The following PCED1B variants were observed in gnomAD, a reference collection of about 807,000 sequenced individuals.
PCED1B encodes PC-esterase domain containing 1B.
For synonymous variants in PCED1B, 251 were observed against 246.1 expected (o/e 1.02, Z -0.19); for missense variants, 573 against 573.9 (o/e 1.00, Z 0.02).
At chr12:47,205,055 T>C (rs1320704914) in intron 2 of PCED1B, among the ~76,000 whole-genome samples, 2 of 152,166 alleles carry the variant, frequency 1.3e-5, no homozygotes, top group Non-Finnish European at 2.9e-5. Context: ...AGCCACAGTA[T>C]GGGAGACTGG....
At chr12:47,143,667 A>G (rs1387806449) in intron 2 of PCED1B, among the ~76,000 whole-genome samples, 1 of 152,202 alleles carries the variant, frequency 6.6e-6, no homozygotes, top group Non-Finnish European at 1.5e-5. Flanking sequence ...GAAGCAAGCT[A>G]CAAGCTCAGT....
chr12:47,119,895 G>A (rs7965849), intron 2 of PCED1B, among the ~76,000 whole-genome samples: 57,172 of 151,192 alleles, frequency 0.38, 11,429 homozygotes, highest in African/African-American at 0.5. Context: ...TGAACCCAGG[G>A]GGCGGAGGTT....
chr12:47,179,059 A>G (rs1942016417), intron 2 of PCED1B, among the ~76,000 whole-genome samples: 1 of 152,176 alleles, frequency 6.6e-6, no homozygotes, highest in African/African-American at 2.4e-5. Flanking sequence ...AGATTATACA[A>G]ATTGCGAATT....
chr12:47,159,517 G>A (rs1941302405), intron 2 of PCED1B, among the ~76,000 whole-genome samples: 1 of 151,552 alleles, frequency 6.6e-6, no homozygotes, highest in Non-Finnish European at 1.5e-5. Context: ...GCATTTTGTT[G>A]GCCATTTGTG....
chr12:47,220,264 C>T (rs749621870), intron 3 of PCED1B, among the ~76,000 whole-genome samples: 44 of 152,006 alleles, frequency 2.9e-4, no homozygotes, highest in Non-Finnish European at 5.9e-4. Context: ...CTCTGCCTCC[C>T]GGGTTCAAGC....
At chr12:47,152,463 G>A (rs961862593) in intron 2 of PCED1B, among the ~76,000 whole-genome samples, 14 of 152,150 alleles carry the variant, frequency 9.2e-5, no homozygotes, top group Non-Finnish European at 2.9e-5. Context: ...TAATATCAAG[G>A]TCATAGAGAG....
At chr12:47,117,173 C>T (rs904316937) in intron 2 of PCED1B, among the ~76,000 whole-genome samples, 3 of 152,142 alleles carry the variant, frequency 2.0e-5, no homozygotes, top group East Asian at 1.9e-4. Context: ...AGGTTCATCC[C>T]TGTTGTAACA....
chr12:47,142,000 C>T (rs930729369), intron 2 of PCED1B, among the ~76,000 whole-genome samples: 1 of 152,136 alleles, frequency 6.6e-6, no homozygotes, highest in Admixed American at 6.5e-5. Flanking sequence ...CTCTCTTCTG[C>T]CCAGTGAACC....
chr12:47,179,123 C>T (rs1942018703), intron 2 of PCED1B, among the ~76,000 whole-genome samples: 1 of 152,214 alleles, frequency 6.6e-6, no homozygotes, highest in Non-Finnish European at 1.5e-5. Context: ...CAATTATCTA[C>T]TGTGAGGTTG....
intron 1 of PCED1B, among the ~76,000 whole-genome samples, chr12:47,088,668 G>A (rs1292672949): frequency 2.6e-5 from 4 of 152,204 alleles, no homozygotes; most frequent in South Asian, 2.1e-4. Flanking sequence ...ATAAAAATAC[G>A]TGGTAGGAAA....
chr12:47,149,097 T>C lies in PCED1B; in HGVS notation c.-526+44902T>C, dbSNP rs200738225. ...ACAATCCCTTTGGCTATTTCCAGTCTTTTCAATTTACAGAAATAAATCTGT... is the reference window on the plus strand; with the variant it reads ...ACAATCCCTTTGGCTATTTCCAGTCCTTTCAATTTACAGAAATAAATCTGT... On this transcript the variant is annotated intron_variant, in intron 2 of 3. Transcript: ENST00000546455. Among the ~76,000 whole-genome samples, 34 of 152,342 alleles carry C rather than the reference T, an allele frequency of 2.2e-4. No individual in the cohort carries two copies. In the East Asian group the frequency reaches 6.0e-3, roughly 27 times the overall value.
intron 2 of PCED1B, chr12:47,206,102 T>C (rs1942904072): frequency 6.6e-6 from 1 of 152,166 alleles, no homozygotes; most frequent in Non-Finnish European, 1.5e-5. Context: ...GATGAACCAG[T>C]TTACCGATCT....
chr12:47,176,369 C>G (rs1028603100), intron 2 of PCED1B, among the ~76,000 whole-genome samples: 5 of 152,108 alleles, frequency 3.3e-5, no homozygotes, highest in African/African-American at 1.2e-4. Flanking sequence ...TCTCATGAGG[C>G]AACCCTCAGT....
At chr12:47,116,981 T>A (rs548628830) in intron 2 of PCED1B, among the ~76,000 whole-genome samples, 1 of 152,232 alleles carries the variant, frequency 6.6e-6, no homozygotes, top group Non-Finnish European at 1.5e-5. Flanking sequence ...GAAAGAAACA[T>A]TGATAAATTA....
At chr12:47,194,466 C>A (rs576301421) in intron 2 of PCED1B, among the ~76,000 whole-genome samples, 1 of 152,340 alleles carries the variant, frequency 6.6e-6, no homozygotes. Context: ...AGCCACCGCA[C>A]CTTGCTGGGA....
intron 2 of PCED1B, among the ~76,000 whole-genome samples, chr12:47,122,478 AT>A (rs1389965061): frequency 1.3e-5 from 2 of 152,232 alleles, no homozygotes; most frequent in African/African-American, 4.8e-5. Flanking sequence ...TGTGTGAAAA[AT>A]AAATGTCTTC....
At chr12:47,209,503 TAATG>T (rs1943014416) in intron 2 of PCED1B, 1 of 152,128 alleles carries the variant, frequency 6.6e-6, no homozygotes, top group South Asian at 2.1e-4. Flanking sequence ...AAGGTAATAA[TAATG>T]AATACATGAA....
chr12:47,127,530 A>C (rs777496289), intron 2 of PCED1B, among the ~76,000 whole-genome samples: 1 of 144,020 alleles, frequency 6.9e-6, no homozygotes, highest in African/African-American at 2.8e-5. Context: ...CACCCGGTTA[A>C]TTTTTTGTAT....
intron 2 of PCED1B, among the ~76,000 whole-genome samples, chr12:47,170,458 A>G (rs1459419308): frequency 6.6e-6 from 1 of 152,144 alleles, no homozygotes; most frequent in Non-Finnish European, 1.5e-5. Context: ...CACTTCCCGG[A>G]CAGGGCAACC....
Sources: allele counts gnomAD v4.1 joint callset (sites outside exome capture counted in the v4.1 genomes callset), GRCh38; gene constraint gnomAD v4.1.1; transcripts MANE v1.5; gene names NCBI Gene and HGNC (gene_info 2026-07-23, HGNC 2026-07-21).